Variants in GOLM1 observed in about 807,000 individuals in gnomAD.
The protein encoded by GOLM1 is epididymis luminal protein 46.
Under a neutral mutation model 50.5 loss-of-function variants are expected in GOLM1, and 31 were observed. The observed-to-expected ratio is 0.61, with a 90% CI of 0.46 to 0.83. The LOEUF (loss-of-function observed/expected upper bound fraction) is 0.83, where lower values mean the gene tolerates loss of function less well. GOLM1 is among the 40% of genes least tolerant of loss of function. GOLM1 has a pLI of 0.00. For synonymous variants in GOLM1, 178 were observed against 192.8 expected (o/e 0.92, Z 0.64); for missense variants, 491 against 501.3 (o/e 0.98, Z 0.20).
At position 86,027,081 on chromosome 9, in the gene GOLM1, T is replaced by C. The variant is rs1441670611; in HGVS notation, c.*736A>G. ...TTCTTGCTTTTCTTGGTAATATATA[T>C]TTAGGGAAGATGTTGCTTTGCCCAC... On this transcript the variant is annotated 3_prime_UTR_variant, in exon 10 of 10. Transcript: ENST00000388712. The C allele has an allele frequency of 2.0e-6, 2 of 985,206 alleles. No homozygotes were observed. The highest frequency in any genetic ancestry group is 2.4e-6 in the Non-Finnish European group (2 of 829,916). The allele number at this position is 985,206 out of a possible 1,614,324, so 61.0% of individuals were successfully genotyped here. A position where few individuals can be genotyped will look rare whatever the true frequency, so the allele number is the denominator to read the frequency against.
intron 1 of GOLM1, among the ~76,000 whole-genome samples, chr9:86,082,700 A>G (rs569176033): frequency 7.2e-5 from 11 of 152,296 alleles, no homozygotes; most frequent in Admixed American, 2.0e-4. Context: ...TCAGCCTCCT[A>G]AAGTGCTGGG....
chr9:86,033,076 T>A (rs902295489), intron 9 of GOLM1, among the ~76,000 whole-genome samples: 2 of 152,198 alleles, frequency 1.3e-5, no homozygotes, highest in African/African-American at 4.8e-5. Context: ...ATGCAGACTT[T>A]CCGAATGGTT....
At chr9:86,049,814 A>C (rs1321622337) in intron 4 of GOLM1, among the ~76,000 whole-genome samples, 2 of 152,222 alleles carry the variant, frequency 1.3e-5, no homozygotes, top group Non-Finnish European at 2.9e-5. Context: ...ATCTGCAAAC[A>C]GGGACAATTT....
At chr9:86,074,253 AAAGAC>A (rs1371372095) in intron 3 of GOLM1, among the ~76,000 whole-genome samples, 2 of 152,064 alleles carry the variant, frequency 1.3e-5, no homozygotes, top group African/African-American at 4.8e-5. Flanking sequence ...AAAAAAAAAA[AAAGAC>A]AGACAATGTA....
At chr9:86,046,614 G>T in intron 4 of GOLM1, 42 bp from the exon 5 acceptor site, 1 of 1,265,076 alleles carries the variant, frequency 7.9e-7, no homozygotes, top group Non-Finnish European at 1.1e-6. Flanking sequence ...CACCGGCACA[G>T]CTGTCATGCC....
intron 9 of GOLM1, among the ~76,000 whole-genome samples, chr9:86,028,309 G>C (rs1348423467): frequency 4.6e-5 from 7 of 152,220 alleles, no homozygotes; most frequent in African/African-American, 9.6e-5. Flanking sequence ...ACTGGCAGAA[G>C]AACACATCGA....
chr9:86,054,421 A>C (rs928980160), intron 3 of GOLM1, among the ~76,000 whole-genome samples: 2 of 152,036 alleles, frequency 1.3e-5, no homozygotes, highest in Non-Finnish European at 2.9e-5. Flanking sequence ...ATGGGGTTTC[A>C]CCATGTTGGC....
chr9:86,077,262 G>A, intron 3 of GOLM1, 150 bp downstream of exon 3: 1 of 650,192 alleles, frequency 1.5e-6, no homozygotes, highest in Non-Finnish European at 2.7e-6. Flanking sequence ...GGGAAAGGGA[G>A]AGAATGCCCA....
At chr9:86,088,194 C>G (rs1835037263) in intron 1 of GOLM1, among the ~76,000 whole-genome samples, 1 of 151,760 alleles carries the variant, frequency 6.6e-6, no homozygotes, top group Non-Finnish European at 1.5e-5. Context: ...AGGAATTTAT[C>G]CATTTCTTCT....
chr9:86,077,534 C>A lies in GOLM1; in HGVS notation c.187G>T (p.Val63Leu). The change falls in exon 3 of 10, where the codon GTG becomes TTG. Residue 63 changes from valine (V) to leucine (L), a missense_variant. By Grantham distance (32) the Val-to-Leu change is conservative. Transcript: ENST00000388712. ...TGGAACTCGTTCTTCTTCAGCTCCA[C>A]GGCGCCTCTCTCTGCAGCCGCCCTG... is the stretch of plus-strand genomic sequence containing the variant. ...VRRAAAERGAVELKKNEFQGE... is the reference protein window; with the variant it reads ...VRRAAAERGALELKKNEFQGE... 1.2e-6 allele frequency: 2 copies of A among 1,613,076 alleles called. No homozygotes were observed. Among genetic ancestry groups the A allele is most frequent in the East Asian group, 2.2e-5 (1 of 44,866 alleles).
At chr9:86,099,016 A>G (rs1275154562) in intron 1 of GOLM1, among the ~76,000 whole-genome samples, 1 of 152,218 alleles carries the variant, frequency 6.6e-6, no homozygotes, top group African/African-American at 2.4e-5. Flanking sequence ...ATCACGCTGC[A>G]GAACTGGAAC....
intron 4 of GOLM1, among the ~76,000 whole-genome samples, chr9:86,049,496 T>C (rs1458772128): frequency 6.6e-6 from 1 of 152,184 alleles, no homozygotes; most frequent in Non-Finnish European, 1.5e-5. Flanking sequence ...ATTCTTCCTA[T>C]CCATGAGCAT....
intron 5 of GOLM1, among the ~76,000 whole-genome samples, chr9:86,044,934 G>A (rs997891769): frequency 2.0e-5 from 3 of 149,952 alleles, no homozygotes; most frequent in African/African-American, 7.4e-5. Context: ...CCTGGGAAAC[G>A]AGCTGTGAAA....
intron 4 of GOLM1, among the ~76,000 whole-genome samples, chr9:86,051,016 C>A (rs1334383530): frequency 6.6e-6 from 1 of 152,110 alleles, no homozygotes; most frequent in Non-Finnish European, 1.5e-5. Flanking sequence ...TATAAATTTC[C>A]CTCTATGCAC....
intron 5 of GOLM1, 127 bp downstream of exon 5, chr9:86,046,341 CGT>C: frequency 7.8e-6 from 5 of 643,712 alleles, no homozygotes; most frequent in Non-Finnish European, 1.4e-5. Context: ...TAGAGGGGCC[CGT>C]GCCTTTCTCA....
intron 1 of GOLM1, among the ~76,000 whole-genome samples, chr9:86,099,040 G>T (rs1050040667): frequency 3.0e-4 from 45 of 152,186 alleles, no homozygotes; most frequent in African/African-American, 8.9e-4. Context: ...TGCGACTTAG[G>T]GGGTGCACGC....
chr9:86,081,474 G>A (rs1834783261), intron 1 of GOLM1, among the ~76,000 whole-genome samples: 1 of 151,644 alleles, frequency 6.6e-6, no homozygotes, highest in Non-Finnish European at 1.5e-5. Context: ...GGGAATATAG[G>A]CATGAGCCAC....
intron 4 of GOLM1, among the ~76,000 whole-genome samples, chr9:86,051,280 C>T (rs939695701): frequency 1.3e-5 from 2 of 152,104 alleles, no homozygotes; most frequent in African/African-American, 4.8e-5. Flanking sequence ...TGCTTTACTT[C>T]CAACTATGTG....
chr9:86,036,469 T>TGCCTGCA lies in GOLM1; in HGVS notation c.629_635dup (p.Leu215SerfsTer18), dbSNP rs779717841. 1 of 1,613,772 alleles carries TGCCTGCA rather than the reference T, an allele frequency of 6.2e-7. No individual in the cohort carries two copies. Among genetic ancestry groups the TGCCTGCA allele is most frequent in the South Asian group, 1.1e-5 (1 of 91,054 alleles). ...GCACCTCTGTGTGTGGCAGGCCTGC[T>TGCCTGCA]GCCTGCAGCCTGGGCTGAGGCTCAC... is the stretch of plus-strand genomic sequence containing the variant. On this transcript the variant is annotated frameshift_variant, in exon 7 of 10. Transcript: ENST00000388712. LOFTEE classifies it high-confidence loss of function.
Sources: gnomAD v4.1 joint callset for allele counts (sites outside exome capture counted in the v4.1 genomes callset) on GRCh38, gnomAD v4.1.1 for gene constraint, MANE v1.5 for transcripts, NCBI Gene and HGNC (gene_info 2026-07-23, HGNC 2026-07-21) for gene names.